Variants in CDC20B observed in about 807,000 individuals in gnomAD.
CDC20B encodes cell division cycle 20B, also known as cell division cycle protein 20 homolog B.
CDC20B carries 58 observed loss-of-function variants against 64.1 expected under a neutral mutation model. That is an observed-to-expected ratio of 0.90 (90% CI 0.73 to 1.13). The LOEUF is 1.13. Among genes scored for constraint, CDC20B ranks in the 50% most tolerant of loss-of-function variants. CDC20B has a pLI of 0.00. For synonymous variants in CDC20B, 243 were observed against 230.6 expected (o/e 1.05, Z -0.49); for missense variants, 597 against 633.0 (o/e 0.94, Z 0.61).
chr5:55,120,346 G>C (rs1435921212), intron 10 of CDC20B, 79 bp downstream of exon 10: 1 of 1,521,328 alleles, frequency 6.6e-7, no homozygotes, highest in Non-Finnish European at 9.1e-7. Context: ...GCTTGTTGGG[G>C]GCATAGGCTC....
chr5:55,147,158 A>G (rs893931039), intron 2 of CDC20B, among the ~76,000 whole-genome samples: 7 of 142,846 alleles, frequency 4.9e-5, no homozygotes, highest in Non-Finnish European at 9.0e-5. Flanking sequence ...TATATATTAT[A>G]TAAACATAAA....
At chr5:55,130,759 A>G (rs969037374) in intron 6 of CDC20B, among the ~76,000 whole-genome samples, 1 of 152,198 alleles carries the variant, frequency 6.6e-6, no homozygotes, top group Non-Finnish European at 1.5e-5. Flanking sequence ...TTTCCTCTTA[A>G]GCTATTTAAA....
chr5:55,140,577 T>C (rs1743303208), intron 4 of CDC20B, among the ~76,000 whole-genome samples, 170 bp from the exon 5 acceptor site: 1 of 152,206 alleles, frequency 6.6e-6, no homozygotes, highest in Admixed American at 6.5e-5. Context: ...CTAAACAATA[T>C]ATTATGAACA....
chr5:55,158,791 C>T (rs571484535), intron 2 of CDC20B, among the ~76,000 whole-genome samples: 2 of 152,236 alleles, frequency 1.3e-5, no homozygotes, highest in South Asian at 4.2e-4. Flanking sequence ...CTCCCCATAC[C>T]TACCCCTAAA....
At chr5:55,156,897 A>T (rs72766151) in intron 2 of CDC20B, among the ~76,000 whole-genome samples, 24,971 of 152,114 alleles carry the variant, frequency 0.16, 2,164 homozygotes, top group East Asian at 0.25. Flanking sequence ...AATAAATAAA[A>T]AAATAAGTCA....
intron 2 of CDC20B, among the ~76,000 whole-genome samples, chr5:55,152,793 T>C (rs1234991618): frequency 6.6e-6 from 1 of 152,208 alleles, no homozygotes; most frequent in African/African-American, 2.4e-5. Context: ...TTTATCTTAC[T>C]ATCCTCGGGA....
chr5:55,132,185 T>C (rs910997971), intron 6 of CDC20B, among the ~76,000 whole-genome samples: 3 of 152,218 alleles, frequency 2.0e-5, no homozygotes, highest in Admixed American at 6.5e-5. Context: ...GTCATGACAA[T>C]ACATTCTCTT....
intron 8 of CDC20B, 53 bp downstream of exon 8, chr5:55,127,204 C>A (rs10043273): frequency 6.9e-7 from 1 of 1,439,974 alleles, no homozygotes; most frequent in Non-Finnish European, 9.8e-7. Flanking sequence ...TACTCAGGCC[C>A]CATAATCAAT....
At chr5:55,123,384 A>AT (rs1397612020) in intron 9 of CDC20B, among the ~76,000 whole-genome samples, 6 of 152,110 alleles carry the variant, frequency 3.9e-5, no homozygotes, top group African/African-American at 1.4e-4. Flanking sequence ...ATGGATAATA[A>AT]TTTTTTATAT....
In CDC20B at chr5:55,137,418, A is replaced by G. The variant is rs540155630; in HGVS notation, c.580+2896T>C. ...AGTCATTAGATATGGACAAGGCATA[A>G]AGAATTGCTTTATATACACAGCATT... is the stretch of plus-strand genomic sequence containing the variant. On this transcript the variant is annotated intron_variant, in intron 5 of 11. Transcript: ENST00000381375. 166 of 392,210 alleles carry G rather than the reference A, an allele frequency of 4.2e-4. 3 individuals carry two copies. Among genetic ancestry groups the G allele is most frequent in the South Asian group, 3.1e-3 (163 of 53,004 alleles). The allele number at this position is 392,210 out of a possible 1,614,324, so 24.3% of individuals were successfully genotyped here.
At chr5:55,160,014 C>T (rs1743946380) in intron 2 of CDC20B, 1 of 579,774 alleles carries the variant, frequency 1.7e-6, no homozygotes, top group South Asian at 2.4e-5. Flanking sequence ...TTCTGTAGAG[C>T]TCCTTGCTTC....
intron 2 of CDC20B, among the ~76,000 whole-genome samples, chr5:55,155,157 G>T (rs991799847): frequency 6.6e-6 from 1 of 152,154 alleles, no homozygotes; most frequent in Non-Finnish European, 1.5e-5. Flanking sequence ...CATCAGTTCA[G>T]CTTGTTTACC....
chr5:55,116,407 A>G (rs1328019355), intron 11 of CDC20B, among the ~76,000 whole-genome samples: 1 of 152,186 alleles, frequency 6.6e-6, no homozygotes, highest in Admixed American at 6.5e-5. Context: ...CCTCCTAAAA[A>G]GAAGAGGATA....
In CDC20B at chr5:55,130,509, T is replaced by C. The variant is rs1037808795; in HGVS notation, c.698-1892A>G. Among the ~76,000 whole-genome samples the C allele has an allele frequency of 4.6e-5, 7 of 152,158 alleles. 1 individual carries two copies. The highest frequency in any genetic ancestry group is 1.0e-4 in the Non-Finnish European group (7 of 68,040). ...AGTCAATGGAACAACATCTTTTAAA[T>C]GCTGGGGGTAGGGGGCAGTGGTGGA... is the stretch of plus-strand genomic sequence containing the variant. On this transcript the variant is annotated intron_variant, in intron 6 of 11. Coordinates refer to ENST00000381375, the MANE Select transcript of CDC20B (RefSeq NM_001170402.1).
chr5:55,137,416 T>C (rs1053749658), intron 5 of CDC20B: 9 of 391,446 alleles, frequency 2.3e-5, no homozygotes, highest in African/African-American at 1.9e-4. Flanking sequence ...GGACAAGGCA[T>C]AAAGAATTGC....
chr5:55,125,026 C>T lies in CDC20B; in HGVS notation c.992G>A (p.Gly331Glu). The change falls in exon 9 of 12, where the codon GGG (glycine) becomes GAG (glutamate). Residue 331 changes from glycine to glutamate, a missense_variant and splice_region_variant. Physicochemically the swap from Gly to Glu is moderately conservative, Grantham distance 98 (BLOSUM62 -2). Around this residue, in one of 3 missense-constraint regions of CDC20B, gnomAD observed 353 missense variants for 397.0 expected, o/e 0.89. Transcript: ENST00000381375. ...ATGATAAACACGCCCCAGTCTTGAC[C>T]CACTGCGAGTTTACATAACAAAAAA... is the stretch of plus-strand genomic sequence containing the variant. ...LSWNHFILSS[G>E]SRLGRVYHHD... 1 of 1,606,840 alleles carries T rather than the reference C, an allele frequency of 6.2e-7. No individual in the cohort carries two copies. Among genetic ancestry groups the T allele is most frequent in the Non-Finnish European group, 8.5e-7 (1 of 1,173,900 alleles).
chr5:55,167,532 T>C (rs772712334), intron 2 of CDC20B, among the ~76,000 whole-genome samples: 1 of 152,176 alleles, frequency 6.6e-6, no homozygotes, highest in Non-Finnish European at 1.5e-5. Flanking sequence ...AATCTACCAC[T>C]GGTTTAGTAA....
intron 2 of CDC20B, among the ~76,000 whole-genome samples, chr5:55,162,789 A>G (rs1744151582): frequency 1.3e-5 from 2 of 152,250 alleles, no homozygotes; most frequent in South Asian, 4.1e-4. Context: ...ATTTCTCTTT[A>G]TCACTACAAA....
Position 55,162,455 on chromosome 5 carries a change from T to G in CDC20B, c.126+10133A>C, listed in dbSNP as rs147470963. Among the ~76,000 whole-genome samples the G allele has an allele frequency of 1.4e-3, 214 of 152,344 alleles. 1 individual carries two copies. Among genetic ancestry groups the G allele is most frequent in the African/African-American group, 5.1e-3 (210 of 41,574 alleles). ...TCATCTAACTTATTCTGATGACATC[T>G]TCAGTCCTATTTTCACTGTAAATAA... On this transcript the variant is annotated intron_variant, in intron 2 of 11. Transcript: ENST00000381375.
Sources: gnomAD v4.1 joint callset for allele counts (sites outside exome capture counted in the v4.1 genomes callset) on GRCh38, gnomAD v4.1.1 for gene constraint, gnomAD v4.1.1 regional missense constraint, MANE v1.5 for transcripts, NCBI Gene and HGNC (gene_info 2026-07-23, HGNC 2026-07-21) for gene names.